CNBD2: variants seen among roughly 807,000 people sequenced by gnomAD.
CNBD2 encodes the protein cyclic nucleotide-binding domain-containing protein 2.
CNBD2 carries 64 observed loss-of-function variants against 63.7 expected under a neutral mutation model. That is an observed-to-expected ratio of 1.00 (90% confidence interval 0.82 to 1.24). The LOEUF is 1.24. Among genes scored for constraint, CNBD2 ranks in the 50% most tolerant of loss-of-function variants. CNBD2 has a pLI of 0.00. For synonymous variants in CNBD2, 229 were observed against 255.4 expected (o/e 0.90, Z 0.99); for missense variants, 691 against 713.5 (o/e 0.97, Z 0.36).
At chr20:36,001,167 T>A (rs1013339753) in intron 8 of CNBD2, among the ~76,000 whole-genome samples, 5 of 152,028 alleles carry the variant, frequency 3.3e-5, no homozygotes, top group Non-Finnish European at 7.4e-5. Flanking sequence ...ACCATCCGAT[T>A]TCTCAATGTT....
chr20:35,989,866 GGA>G (rs35862163), intron 7 of CNBD2, among the ~76,000 whole-genome samples: 45 of 121,580 alleles, frequency 3.7e-4, no homozygotes, highest in Admixed American at 6.0e-4. Flanking sequence ...GATGAGAGAG[GGA>G]GAGAGAGAGA....
At chr20:36,013,418 A>AAAAAAAG (rs1387080288) in intron 10 of CNBD2, among the ~76,000 whole-genome samples, 2 of 152,130 alleles carry the variant, frequency 1.3e-5, no homozygotes, top group Non-Finnish European at 2.9e-5. Flanking sequence ...ACTCCATCTC[A>AAAAAAAG]AAAAAAGAAA....
chr20:36,009,979 G>T (rs1449868986), intron 9 of CNBD2, among the ~76,000 whole-genome samples: 2 of 152,132 alleles, frequency 1.3e-5, no homozygotes, highest in African/African-American at 2.4e-5. Context: ...TTTGTTCCAG[G>T]TTGCGCAGGT....
chr20:35,986,538 G>A (rs1007810434), intron 6 of CNBD2, among the ~76,000 whole-genome samples: 2 of 152,280 alleles, frequency 1.3e-5, no homozygotes, highest in East Asian at 1.9e-4. Context: ...TGCTTGGTGC[G>A]TGGTAGGTAC....
chr20:36,004,669 C>A (rs1474572931), intron 8 of CNBD2, among the ~76,000 whole-genome samples: 2 of 151,926 alleles, frequency 1.3e-5, no homozygotes, highest in African/African-American at 2.4e-5. Context: ...TGGGCTCAAG[C>A]AGTCCTCTCG....
chr20:35,984,713 C>T lies in CNBD2; in HGVS notation c.651C>T (p.Asp217=). 1.2e-6 allele frequency: 2 copies of T among 1,614,206 alleles called. No individual in the cohort carries two copies. The highest frequency in any genetic ancestry group is 1.7e-6 in the Non-Finnish European group (2 of 1,180,020). Reference sequence around the variant, plus strand: ...AGTTCCTGGTTGTTGACCGGGAGGACTTCTTTGCTAATAAGCTGGACCAGG... The same window carrying T: ...AGTTCCTGGTTGTTGACCGGGAGGATTTCTTTGCTAATAAGCTGGACCAGG... The part of the protein sequence containing the change: ...ETEFLVVDRE[D]FFANKLDQEV... Residue 217 remains aspartate, a synonymous_variant, in exon 6 of 12, where the codon GAC becomes GAT. Coordinates refer to ENST00000373973, the MANE Select transcript of CNBD2 (RefSeq NM_001365709.1).
chr20:35,988,603 G>GTTT (rs2056700977), intron 7 of CNBD2, among the ~76,000 whole-genome samples: 1 of 152,180 alleles, frequency 6.6e-6, no homozygotes, highest in African/African-American at 2.4e-5. Context: ...TCATGATTTT[G>GTTT]TTTTGTAAGG....
intron 11 of CNBD2, among the ~76,000 whole-genome samples, chr20:36,029,871 C>G (rs1040125525): frequency 3.9e-5 from 6 of 151,972 alleles, no homozygotes; most frequent in African/African-American, 1.5e-4. Context: ...GCCGCACTTA[C>G]TATGAGGTGA....
intron 9 of CNBD2, among the ~76,000 whole-genome samples, chr20:36,010,444 C>CAAAA (rs147122121): frequency 8.6e-5 from 8 of 92,978 alleles, no homozygotes; most frequent in Non-Finnish European, 9.3e-5. Context: ...AACTCTGTCT[C>CAAAA]AAAAAAAAAA....
intron 9 of CNBD2, 122 bp from the exon 10 acceptor site, chr20:36,011,015 G>A (rs1568915117): frequency 1.9e-6 from 2 of 1,055,472 alleles, no homozygotes; most frequent in East Asian, 2.9e-5. Context: ...CGCCTTCTGG[G>A]AAGTTGTGAA....
chr20:35,954,721 C>A, exon 1 of CNBD2: 2 of 929,856 alleles, frequency 2.2e-6, no homozygotes, highest in Non-Finnish European at 2.9e-6. Flanking sequence ...CTTCAAGTCC[C>A]GGACCTTATC....
chr20:35,963,971 G>A (rs2056326558), upstream of CNBD2, among the ~76,000 whole-genome samples: 1 of 152,154 alleles, frequency 6.6e-6, no homozygotes. Flanking sequence ...CTAAAGACAA[G>A]CAAGTTAATT....
chr20:36,027,579 A>C (rs995916784), intron 11 of CNBD2, among the ~76,000 whole-genome samples: 2 of 152,192 alleles, frequency 1.3e-5, no homozygotes, highest in African/African-American at 4.8e-5. Flanking sequence ...TGACTAACTT[A>C]CTAACTGTGT....
In CNBD2 at chr20:36,014,274, C is replaced by T. The variant is rs1028840728; in HGVS notation, c.1269+3017C>T. On this transcript the variant is annotated intron_variant, in intron 10 of 11. Coordinates refer to ENST00000373973, the MANE Select transcript of CNBD2 (RefSeq NM_001365709.1). ...AATAGGGCCTAAAAGAAATGTTACCCTTCCAGCAATGAGCACACTTAACAC... is the reference window on the plus strand; with the variant it reads ...AATAGGGCCTAAAAGAAATGTTACCTTTCCAGCAATGAGCACACTTAACAC... 5.3e-4 allele frequency among the ~76,000 whole-genome samples: 81 copies of T among 151,654 alleles called. 1 individual carries two copies. Among genetic ancestry groups the T allele is most frequent in the Non-Finnish European group, 7.9e-4 (54 of 67,946 alleles).
At position 36,011,202 on chromosome 20, in the gene CNBD2, A is replaced by C; in HGVS notation, c.1214A>C (p.Glu405Ala). ...INIKPGELPK[E>A]AAVGAYVKVH... The stretch of plus-strand genomic sequence containing the variant: ...ATCAAGCCTGGTGAGCTCCCCAAGG[A>C]GGCTGCAGTGGGGGCCTACGTGAAG... Residue 405 changes from glutamate to alanine, a missense_variant, in exon 10 of 12, where the codon GAG becomes GCG. Physicochemically the swap from Glu to Ala is moderately radical, Grantham distance 107. Transcript: ENST00000373973. 1 of 1,597,534 alleles carries C rather than the reference A, an allele frequency of 6.3e-7. No homozygotes were observed. The highest frequency in any genetic ancestry group is 8.5e-7 in the Non-Finnish European group (1 of 1,171,210).
intron 1 of CNBD2, 26 bp from the exon 2 acceptor site, chr20:35,972,603 T>C: frequency 3.1e-6 from 5 of 1,612,134 alleles, no homozygotes; most frequent in Non-Finnish European, 4.2e-6. Flanking sequence ...TGGTTTCTAT[T>C]GATCTTGTTT....
intron 7 of CNBD2, among the ~76,000 whole-genome samples, chr20:35,989,166 A>C (rs753926296): frequency 8.5e-5 from 13 of 152,218 alleles, no homozygotes; most frequent in Admixed American, 7.9e-4. Context: ...AAGGTCACAC[A>C]GCTGATGAAG....
chr20:35,954,430 A>G (rs1243859973), upstream of CNBD2: 2 of 1,550,220 alleles, frequency 1.3e-6, no homozygotes. Context: ...GGACCGGCCG[A>G]GAGTGTGCGG....
At chr20:35,959,741 GA>G (rs1364962884), downstream of CNBD2, among the ~76,000 whole-genome samples, 1 of 152,170 alleles carries the variant, frequency 6.6e-6, no homozygotes, top group Non-Finnish European at 1.5e-5. Context: ...TTACAGATGA[GA>G]AATTAAGGTC....
Sources: allele counts gnomAD v4.1 joint callset (sites outside exome capture counted in the v4.1 genomes callset), GRCh38; gene constraint gnomAD v4.1.1; transcripts MANE v1.5; gene names NCBI Gene and HGNC (gene_info 2026-07-23, HGNC 2026-07-21).